Variants in MACROD1 observed in about 807,000 individuals in gnomAD.
The protein encoded by MACROD1 is ADP-ribose glycohydrolase MACROD1.
In MACROD1, 31 loss-of-function variants were observed where a neutral mutation model predicts 41.4. That is an observed-to-expected ratio of 0.75 (90% CI 0.56 to 1.01). The LOEUF is 1.01. Among genes scored for constraint, MACROD1 ranks in the 50% least tolerant of loss-of-function variants. The pLI, the probability that MACROD1 is intolerant of heterozygous loss-of-function variation, is 0.00. For synonymous variants in MACROD1, 252 were observed against 203.4 expected (o/e 1.24, Z -2.03); for missense variants, 473 against 460.0 (o/e 1.03, Z -0.26).
In MACROD1 at chr11:64,067,609, G is replaced by A. The variant is rs749888154; in HGVS notation, c.518-52328C>T. On this transcript the variant is annotated intron_variant, in intron 3 of 10. Coordinates refer to ENST00000255681, the MANE Select transcript of MACROD1 (RefSeq NM_014067.4). The surrounding 1 kb of genome is among the most constrained non-coding windows in gnomAD (Gnocchi z 4.6). ...TCCCTCCTGTCCCTAGGTGGGTGAC[G>A]CACCAACATGCCCGTGGCCTCCGGT... 2.2e-4 allele frequency among the ~76,000 whole-genome samples: 34 copies of A among 152,096 alleles called. No homozygotes were observed. The highest frequency in any genetic ancestry group is 2.6e-4 in the Non-Finnish European group (18 of 68,010).
intron 3 of MACROD1, among the ~76,000 whole-genome samples, chr11:64,133,432 C>T (rs993838438): frequency 6.6e-6 from 1 of 152,204 alleles, no homozygotes; most frequent in African/African-American, 2.4e-5. Flanking sequence ...TAGGGAGGCA[C>T]ACGCAATGTG....
rs553295022 is a variant in MACROD1, at chr11:64,106,247, C to T, written c.517+44992G>A. Among the ~76,000 whole-genome samples the T allele has an allele frequency of 9.9e-5, 15 of 152,236 alleles. 1 individual carries two copies. In the East Asian group the frequency reaches 2.9e-3, roughly 29 times the overall value. ...ATCTGCTGCACAATCCAGACCTTTC[C>T]CTTTGCCTCTTTGGGCTGCTGTGGT... On this transcript the variant is annotated intron_variant, in intron 3 of 10. Coordinates refer to ENST00000255681, the MANE Select transcript of MACROD1 (RefSeq NM_014067.4).
intron 3 of MACROD1, among the ~76,000 whole-genome samples, chr11:64,127,105 A>C (rs1352151052): frequency 2.6e-5 from 4 of 152,042 alleles, no homozygotes; most frequent in African/African-American, 4.8e-5. Flanking sequence ...CACGACAACA[A>C]CACAAACCAA....
intron 3 of MACROD1, among the ~76,000 whole-genome samples, chr11:64,076,471 C>T (rs1410255679): frequency 1.3e-5 from 2 of 151,982 alleles, no homozygotes; most frequent in African/African-American, 2.4e-5. Context: ...GACGGACGGA[C>T]GAATGGATGG....
chr11:64,016,130 G>A (rs956309671), intron 3 of MACROD1, among the ~76,000 whole-genome samples: 6 of 145,572 alleles, frequency 4.1e-5, no homozygotes, highest in South Asian at 2.2e-4. Context: ...ACCTTCCTGC[G>A]CACAGCCCTG....
In MACROD1 at chr11:63,998,598, C is replaced by G; in HGVS notation, c.*120G>C. On this transcript the variant is annotated 3_prime_UTR_variant, in exon 11 of 11. Coordinates refer to ENST00000255681, the MANE Select transcript of MACROD1 (RefSeq NM_014067.4). ...TTTATTAGGCTCCTCGGGGGCGGGG[C>G]GCGGAGGGAAAGAAGGGGTGGCCAG... is the stretch of plus-strand genomic sequence containing the variant. 1.6e-6 allele frequency: 2 copies of G among 1,276,884 alleles called. No individual in the cohort carries two copies. The highest frequency in any genetic ancestry group is 6.1e-5 in the East Asian group (2 of 32,662). 79.1% of individuals were successfully genotyped at this position (1,276,884 alleles called of 1,614,324 possible).
chr11:64,145,193 C>A (rs1056836033), intron 3 of MACROD1, among the ~76,000 whole-genome samples: 1 of 152,150 alleles, frequency 6.6e-6, no homozygotes, highest in Non-Finnish European at 1.5e-5. Flanking sequence ...AATAAATAAG[C>A]GGCTTAAAAA....
chr11:64,032,345 T>C (rs1377866560), intron 3 of MACROD1, among the ~76,000 whole-genome samples: 2 of 152,132 alleles, frequency 1.3e-5, no homozygotes, highest in African/African-American at 2.4e-5. Flanking sequence ...GATGGCCTTG[T>C]TAAGATAAGG....
At chr11:64,115,560 G>A (rs941039997) in intron 3 of MACROD1, among the ~76,000 whole-genome samples, 5 of 152,186 alleles carry the variant, frequency 3.3e-5, no homozygotes, top group African/African-American at 4.8e-5. Flanking sequence ...TAGAATGTAC[G>A]AGTGACAACA....
chr11:64,013,114 A>G (rs1943037232), intron 4 of MACROD1, among the ~76,000 whole-genome samples: 1 of 151,714 alleles, frequency 6.6e-6, no homozygotes. Flanking sequence ...ATAGGCTGGG[A>G]TTACAAACAT....
intron 4 of MACROD1, among the ~76,000 whole-genome samples, chr11:64,000,922 G>C (rs1457601068): frequency 2.0e-5 from 3 of 152,188 alleles, no homozygotes; most frequent in Admixed American, 2.0e-4. Context: ...TCTGTAGCTG[G>C]AGTCTGGGTC....
intron 3 of MACROD1, among the ~76,000 whole-genome samples, chr11:64,065,288 G>A (rs1156527378): frequency 6.6e-6 from 1 of 152,206 alleles, no homozygotes; most frequent in Non-Finnish European, 1.5e-5. Context: ...CGGGCAGGTG[G>A]CGGGCAAGCG....
intron 3 of MACROD1, among the ~76,000 whole-genome samples, chr11:64,107,806 G>A (rs1057446691): frequency 6.6e-6 from 1 of 152,124 alleles, no homozygotes; most frequent in Non-Finnish European, 1.5e-5. Flanking sequence ...AGATGCCTCT[G>A]GTGGGCCTGC....
At chr11:64,144,756 G>A (rs548817185) in intron 3 of MACROD1, among the ~76,000 whole-genome samples, 1 of 152,370 alleles carries the variant, frequency 6.6e-6, no homozygotes, top group East Asian at 1.9e-4. Flanking sequence ...CATCTCCCCT[G>A]CCCACTGCGG....
intron 3 of MACROD1, 35 bp from the exon 4 acceptor site, chr11:64,015,316 G>A (rs186479): frequency 1.9e-6 from 3 of 1,595,306 alleles, no homozygotes; most frequent in South Asian, 2.3e-5. Context: ...GATCAGTGGG[G>A]AAGGGGCTGC....
Position 63,999,630 on chromosome 11 carries a change from G to A in MACROD1, c.786+12C>T. ...CCCCGCCTCCCGCCCTCCCCCGCGG[G>A]CCGTCCCTCACCACCGAGCGGAGCC... On this transcript the variant is annotated intron_variant, in intron 6 of 10. Transcript: ENST00000255681. The A allele has an allele frequency of 6.2e-7, 1 of 1,609,662 alleles. No individual in the cohort carries two copies. The highest frequency in any genetic ancestry group is 8.5e-7 in the Non-Finnish European group (1 of 1,178,934).
intron 4 of MACROD1, among the ~76,000 whole-genome samples, chr11:64,014,737 C>T (rs1417332435): frequency 6.6e-6 from 1 of 152,220 alleles, no homozygotes; most frequent in African/African-American, 2.4e-5. Context: ...GACCTCTGAC[C>T]TCCTGCCTGC....
At chr11:64,009,111 C>T (rs1166607280) in intron 4 of MACROD1, 1 of 152,150 alleles carries the variant, frequency 6.6e-6, no homozygotes, top group Non-Finnish European at 1.5e-5. Flanking sequence ...CCCGAGAAAG[C>T]CGGCTCCTTA....
chr11:64,099,009 G>A (rs1398200125), intron 3 of MACROD1, among the ~76,000 whole-genome samples: 1 of 152,246 alleles, frequency 6.6e-6, no homozygotes. Context: ...GAACTGTAAA[G>A]CTGAGGGCCT....
Sources: allele counts gnomAD v4.1 joint callset (sites outside exome capture counted in the v4.1 genomes callset), GRCh38; gene constraint gnomAD v4.1.1; non-coding constraint Gnocchi (gnomAD v3.1); transcripts MANE v1.5; gene names NCBI Gene and HGNC (gene_info 2026-07-23, HGNC 2026-07-21).